The following LPIN2 variants were observed in gnomAD, a reference collection of about 807,000 sequenced individuals.
LPIN2 encodes the protein lipin 2.
A neutral mutation model predicts 111.4 loss-of-function variants in LPIN2; 55 were observed. That is an observed-to-expected ratio of 0.49 (90% CI 0.40 to 0.62). The LOEUF (loss-of-function observed/expected upper bound fraction) is 0.62, where lower values mean the gene tolerates loss of function less well. Ranked by LOEUF, LPIN2 falls within the 20% of genes least tolerant of loss-of-function variation. LPIN2 has a pLI of 0.00. For missense variants in LPIN2, 992 were observed against 1,112.1 expected (o/e 0.89, Z 1.54); for synonymous variants, 425 against 414.0 (o/e 1.03, Z -0.32).
At chr18:2,994,151 G>A (rs924778052) in intron 1 of LPIN2, among the ~76,000 whole-genome samples, 1 of 152,214 alleles carries the variant, frequency 6.6e-6, no homozygotes, top group African/African-American at 2.4e-5. Context: ...CCCAGTGCCT[G>A]TAATATCTCA....
rs749848332 is a variant in LPIN2, at chr18:2,938,048, TAA to T, written c.823-13_823-12del. ...TTCTCTTTTGCTGACCTAAAAAAGT[TAA>T]ATTGTTTAAAAATTAAACTACTTTC... On this transcript the variant is annotated splice_polypyrimidine_tract_variant and intron_variant, in intron 6 of 19. Transcript: ENST00000677752. 4 of 1,597,414 alleles carry T rather than the reference TAA, an allele frequency of 2.5e-6. No individual in the cohort carries two copies. In the South Asian group the frequency reaches 4.4e-5, roughly 18 times the overall value.
At chr18:2,952,675 G>A (rs954938129) in intron 3 of LPIN2, among the ~76,000 whole-genome samples, 2 of 152,170 alleles carry the variant, frequency 1.3e-5, no homozygotes, top group African/African-American at 2.4e-5. Flanking sequence ...ATGAGAGGTC[G>A]TGGTCTCTGA....
chr18:2,937,579 G>T, intron 7 of LPIN2, 113 bp downstream of exon 7: 1 of 754,408 alleles, frequency 1.3e-6, no homozygotes, highest in Non-Finnish European at 2.1e-6. Context: ...AAAGTGCGAC[G>T]GGTTTCGACT....
At chr18:2,979,539 ATT>A (rs1482026035) in intron 1 of LPIN2, among the ~76,000 whole-genome samples, 2 of 152,130 alleles carry the variant, frequency 1.3e-5, no homozygotes, top group Non-Finnish European at 2.9e-5. Context: ...AATGAAGACA[ATT>A]TTGTTTCCTC....
chr18:2,944,228 CT>C (rs2077410248), intron 4 of LPIN2, among the ~76,000 whole-genome samples: 2 of 141,274 alleles, frequency 1.4e-5, no homozygotes, highest in Admixed American at 7.3e-5. Flanking sequence ...CTCTTCATGA[CT>C]TTAAAAAAAA....
At chr18:2,942,900 A>G (rs927748893) in intron 4 of LPIN2, among the ~76,000 whole-genome samples, 28 of 152,324 alleles carry the variant, frequency 1.8e-4, no homozygotes, top group African/African-American at 6.3e-4. Flanking sequence ...AAAACAGCAC[A>G]AGCACTGATT....
intron 1 of LPIN2, chr18:2,967,562 A>C (rs968704408): frequency 1.3e-5 from 2 of 152,228 alleles, no homozygotes; most frequent in Non-Finnish European, 2.9e-5. Flanking sequence ...ATTTTACAAA[A>C]CATTTACAGT....
chr18:2,982,961 C>A, intron 1 of LPIN2: 1 of 346,098 alleles, frequency 2.9e-6, no homozygotes, highest in Non-Finnish European at 5.7e-6. Flanking sequence ...GCTCAAAATA[C>A]CTCAACCCCT....
intron 16 of LPIN2, among the ~76,000 whole-genome samples, chr18:2,922,676 T>TC (rs1301647784): frequency 6.6e-6 from 1 of 152,214 alleles, no homozygotes; most frequent in Non-Finnish European, 1.5e-5. Flanking sequence ...TATAGAGGTT[T>TC]CACCTTCCAT....
intron 18 of LPIN2, chr18:2,921,166 T>G (rs2077048455): frequency 3.6e-6 from 2 of 555,570 alleles, no homozygotes; most frequent in Non-Finnish European, 3.2e-6. Context: ...CCGATGGCCC[T>G]GCAGAAGGGA....
rs755436188 is a variant in LPIN2, at chr18:2,982,930, A to T, written c.-9-22081T>A. On this transcript the variant is annotated intron_variant, in intron 1 of 19. Coordinates refer to ENST00000677752, the MANE Select transcript of LPIN2 (RefSeq NM_001375808.2). ...TAAAAAAAAAAAAAGCAATGCATAC[A>T]CAAGTTTACCAATGAGATTTGCTCA... 5 of 354,206 alleles carry T rather than the reference A, an allele frequency of 1.4e-5. No homozygotes were observed. In the East Asian group the frequency reaches 2.2e-4, roughly 16 times the overall value. 21.9% of individuals were successfully genotyped at this position (354,206 alleles called of 1,614,324 possible). A position where few individuals can be genotyped will look rare whatever the true frequency, so the allele number is the denominator to read the frequency against.
At chr18:2,998,004 A>C (rs1176162430) in intron 1 of LPIN2, among the ~76,000 whole-genome samples, 2 of 152,174 alleles carry the variant, frequency 1.3e-5, no homozygotes, top group East Asian at 3.9e-4. Context: ...AGCTCCAGGC[A>C]CCCTGTGCCT....
chr18:2,953,455 G>A (rs1029667419), intron 3 of LPIN2, among the ~76,000 whole-genome samples: 1 of 151,968 alleles, frequency 6.6e-6, no homozygotes, highest in Non-Finnish European at 1.5e-5. Flanking sequence ...ATGCAAACAA[G>A]GTATTACAAA....
rs551359497 is a variant in LPIN2 at position 2,917,595 on chromosome 18, G to GT, written c.*2697dup. ...TCATTTTAGGACATCCCATTTTTAA[G>GT]TTTTTTCTTTTTCCAGTTGAAAACT... is the stretch of plus-strand genomic sequence containing the variant. On this transcript the variant is annotated 3_prime_UTR_variant, in exon 20 of 20. Coordinates refer to ENST00000677752, the MANE Select transcript of LPIN2 (RefSeq NM_001375808.2). 3 of 152,138 alleles carry GT rather than the reference G, an allele frequency of 2.0e-5. No individual in the cohort carries two copies. The highest frequency in any genetic ancestry group is 2.9e-5 in the Non-Finnish European group (2 of 68,042). The allele number at this position is 152,138 out of a possible 1,614,324, so 9.4% of individuals were successfully genotyped here.
chr18:2,955,903 G>A lies in LPIN2; in HGVS notation c.193-1304C>T, dbSNP rs189624089. Among the ~76,000 whole-genome samples, 5 of 152,102 alleles carry A rather than the reference G, an allele frequency of 3.3e-5. No individual in the cohort carries two copies. The East Asian group carries it at 5.8e-4, about 18-fold the overall frequency. On this transcript the variant is annotated intron_variant, in intron 2 of 19. Coordinates refer to ENST00000677752, the MANE Select transcript of LPIN2 (RefSeq NM_001375808.2). ...GCACTCCAGCCTGGGCAACAAAAGC[G>A]AAACTCTCTCAAAAAGAAAAACAAA...
At position 2,928,531 on chromosome 18, in the gene LPIN2, G is replaced by C. The variant is rs557760423; in HGVS notation, c.1620+60C>G. 57 of 1,471,588 alleles carry C rather than the reference G, an allele frequency of 3.9e-5. No homozygotes were observed. In the South Asian group the frequency reaches 5.8e-4, roughly 15 times the overall value. 91.2% of individuals were successfully genotyped at this position (1,471,588 alleles called of 1,614,324 possible). On this transcript the variant is annotated intron_variant, in intron 11 of 19. Transcript: ENST00000677752. Reference sequence around the variant, plus strand: ...TTCAGAAATATGCACATATGGATTTGTGTAAGTACTAGACACTGCGGATGC... The same window carrying C: ...TTCAGAAATATGCACATATGGATTTCTGTAAGTACTAGACACTGCGGATGC...
chr18:2,960,123 T>C (rs1312534176), intron 2 of LPIN2, among the ~76,000 whole-genome samples: 1 of 150,660 alleles, frequency 6.6e-6, no homozygotes, highest in Non-Finnish European at 1.5e-5. Flanking sequence ...TGAGCCAAGA[T>C]CACACCGCTG....
chr18:2,945,647 T>C (rs2077439565), intron 4 of LPIN2: 3 of 1,454,728 alleles, frequency 2.1e-6, no homozygotes, highest in Non-Finnish European at 2.9e-6. Context: ...GTGATTTCAA[T>C]CTTTGTTGCA....
intron 1 of LPIN2, chr18:2,991,033 T>A (rs2078257539): frequency 3.5e-6 from 2 of 568,416 alleles, no homozygotes. Context: ...ACCTCTTGCT[T>A]GTCCCATGAT....
Sources: allele counts gnomAD v4.1 joint callset (sites outside exome capture counted in the v4.1 genomes callset), GRCh38; gene constraint gnomAD v4.1.1; transcripts MANE v1.5; gene names NCBI Gene and HGNC (gene_info 2026-07-23, HGNC 2026-07-21).